The following PREX1 variants were observed in gnomAD, a reference collection of about 807,000 sequenced individuals.
PREX1 encodes phosphatidylinositol-3,4,5-trisphosphate dependent Rac exchange factor 1, also known as phosphatidylinositol 3,4,5-trisphosphate-dependent Rac exchanger 1 protein.
PREX1 carries 41 observed loss-of-function variants against 198.3 expected under a neutral mutation model. That is an observed-to-expected ratio of 0.21 (90% CI 0.16 to 0.27). The LOEUF (loss-of-function observed/expected upper bound fraction) is 0.27. Among genes scored for constraint, PREX1 ranks in the 10% least tolerant of loss-of-function variants. PREX1 has a pLI of 1.00. For missense variants in PREX1, 1,620 were observed against 2,200.7 expected, an observed-to-expected ratio of 0.74 and a Z score of 5.28; for synonymous variants, 843 against 887.2, an observed-to-expected ratio of 0.95 and a Z score of 0.89.
the PREX1 span, among the ~76,000 whole-genome samples, chr20:48,867,700 C>T: frequency 4.2e-5 from 3 of 71,188 alleles, no homozygotes; most frequent in East Asian, 5.1e-4. Flanking sequence ...GAGGCTGAGG[C>T]AGGAGAATCA....
chr20:48,763,070 A>C (rs1049613429), intron 1 of PREX1, among the ~76,000 whole-genome samples: 8 of 152,256 alleles, frequency 5.3e-5, no homozygotes, highest in African/African-American at 1.9e-4. Context: ...CTCTATGAAT[A>C]TACCGAAAAC....
At chr20:48,665,097 C>A (rs2089627858) in intron 15 of PREX1, among the ~76,000 whole-genome samples, 1 of 145,800 alleles carries the variant, frequency 6.9e-6, no homozygotes, top group Non-Finnish European at 1.5e-5. Context: ...CTAATCCCGG[C>A]TCCAGACGGC....
intron 7 of PREX1, among the ~76,000 whole-genome samples, chr20:48,696,592 C>T (rs1169080791): frequency 6.8e-6 from 1 of 146,814 alleles, no homozygotes; most frequent in Non-Finnish European, 1.5e-5. Flanking sequence ...GTCAGCTGAT[C>T]ATTTACACAC....
At chr20:48,759,555 A>AAC (rs2090169947) in intron 1 of PREX1, among the ~76,000 whole-genome samples, 2 of 150,384 alleles carry the variant, frequency 1.3e-5, no homozygotes, top group African/African-American at 4.9e-5. Flanking sequence ...ATCTCAAAAA[A>AAC]AAAAAAAAAA....
At chr20:48,669,574 T>C (rs1441557309) in intron 14 of PREX1, among the ~76,000 whole-genome samples, 3 of 151,760 alleles carry the variant, frequency 2.0e-5, no homozygotes, top group Non-Finnish European at 4.4e-5. Context: ...AAAAGGGATG[T>C]GATGGGAGAG....
rs55721814 is a variant in PREX1, at chr20:48,651,806, C to T, written c.2468-223G>A. ...CACACAAGCCATCCAAGGCCTGGCC[C>T]TGAGGACAGAGGGAGCCATCGGAAG... is the stretch of plus-strand genomic sequence containing the variant. On this transcript the variant is annotated intron_variant, in intron 21 of 39. Coordinates refer to ENST00000371941, the MANE Select transcript of PREX1 (RefSeq NM_020820.4). 0.16 allele frequency among the ~76,000 whole-genome samples: 23,938 copies of T among 152,276 alleles called. 2,222 individuals are homozygous for T. The highest frequency in any genetic ancestry group is 0.3 in the Middle Eastern group (88 of 294).
At chr20:48,781,295 T>C (rs1482966933) in intron 1 of PREX1, among the ~76,000 whole-genome samples, 1 of 152,224 alleles carries the variant, frequency 6.6e-6, no homozygotes, top group Non-Finnish European at 1.5e-5. Context: ...GTAATTATAC[T>C]ACAGTAATAT....
chr20:48,705,290 G>T (rs2089897676), intron 6 of PREX1, among the ~76,000 whole-genome samples: 1 of 152,224 alleles, frequency 6.6e-6, no homozygotes, highest in South Asian at 2.1e-4. Flanking sequence ...TGGATTCGTG[G>T]ATTCACTTAT....
chr20:48,646,577 G>A (rs921404192), intron 25 of PREX1, among the ~76,000 whole-genome samples: 1 of 151,386 alleles, frequency 6.6e-6, no homozygotes, highest in Non-Finnish European at 1.5e-5. Flanking sequence ...TGTAATCCCA[G>A]CTACTCGGGA....
At chr20:48,690,386 T>G (rs116759615) in intron 9 of PREX1, among the ~76,000 whole-genome samples, 1 of 152,042 alleles carries the variant, frequency 6.6e-6, no homozygotes, top group African/African-American at 2.4e-5. Flanking sequence ...AAAGCTGGAG[T>G]AACTTGCCCC....
chr20:48,833,691 C>A, the PREX1 span, among the ~76,000 whole-genome samples: 1 of 152,152 alleles, frequency 6.6e-6, no homozygotes, highest in Non-Finnish European at 1.5e-5. Context: ...ATCCATCCGC[C>A]TCGACCTCCC....
At chr20:48,803,882 A>C (rs1363695490) in intron 1 of PREX1, among the ~76,000 whole-genome samples, 1 of 152,230 alleles carries the variant, frequency 6.6e-6, no homozygotes, top group East Asian at 1.9e-4. Context: ...CTCCTGAGTC[A>C]AGTAAGCCCA....
At chr20:48,641,852 A>AG (rs2089414722) in intron 29 of PREX1, among the ~76,000 whole-genome samples, 1 of 36,898 alleles carries the variant, frequency 2.7e-5, no homozygotes, top group African/African-American at 9.4e-5. Flanking sequence ...GGAAGGAAGG[A>AG]AGGAAGGAAG....
intron 29 of PREX1, among the ~76,000 whole-genome samples, chr20:48,640,972 G>A (rs2089405813): frequency 6.6e-6 from 1 of 151,958 alleles, no homozygotes; most frequent in South Asian, 2.1e-4. Context: ...GTGCATGGGT[G>A]GCTGAGTGGG....
intron 1 of PREX1, among the ~76,000 whole-genome samples, chr20:48,820,969 G>A (rs56775707): frequency 0.017 from 2,575 of 152,298 alleles, 62 homozygotes; most frequent in African/African-American, 0.056. Context: ...GGAGGCCAAG[G>A]CGGGCAGAAC....
At chr20:48,791,378 G>T (rs573936444) in intron 1 of PREX1, among the ~76,000 whole-genome samples, 40 of 152,336 alleles carry the variant, frequency 2.6e-4, no homozygotes, top group African/African-American at 8.9e-4. Flanking sequence ...CCCAGAGGAG[G>T]TGTTATTATT....
chr20:48,681,510 T>C (rs1036355932), intron 10 of PREX1, among the ~76,000 whole-genome samples, 175 bp from the exon 11 acceptor site: 8 of 152,086 alleles, frequency 5.3e-5, no homozygotes, highest in African/African-American at 1.9e-4. Context: ...TTCATGCTTA[T>C]TACCAATAGC....
chr20:48,725,238 C>A (rs2090004470), intron 5 of PREX1, among the ~76,000 whole-genome samples: 1 of 152,226 alleles, frequency 6.6e-6, no homozygotes, highest in South Asian at 2.1e-4. Context: ...GCCCCACCAG[C>A]CAAATTAATC....
chr20:48,834,135 C>G, the PREX1 span, among the ~76,000 whole-genome samples: 1 of 151,970 alleles, frequency 6.6e-6, no homozygotes, highest in Admixed American at 6.6e-5. Flanking sequence ...TGGTCTTCAC[C>G]CTATTGCTTT....
Sources: gnomAD v4.1 joint callset for allele counts (sites outside exome capture counted in the v4.1 genomes callset) on GRCh38, gnomAD v4.1.1 for gene constraint, MANE v1.5 for transcripts, NCBI Gene and HGNC (gene_info 2026-07-23, HGNC 2026-07-21) for gene names.